The following PTPRD variants were observed in gnomAD, a reference collection of about 807,000 sequenced individuals.
PTPRD encodes the protein receptor-type tyrosine-protein phosphatase delta.
PTPRD carries 34 observed loss-of-function variants against 214.5 expected under a neutral mutation model. The observed-to-expected ratio is 0.16, with a 90% CI of 0.12 to 0.21. PTPRD has a LOEUF of 0.21. PTPRD is among the 10% of genes least tolerant of loss of function. The pLI is 1.00. For missense variants in PTPRD, 2,545 were observed against 2,398.7 expected (o/e 1.06, Z -1.27); for synonymous variants, 1,128 against 845.7 (o/e 1.33, Z -5.79).
At chr9:10,580,837 C>G (rs2071468072) in intron 2 of PTPRD, among the ~76,000 whole-genome samples, 1 of 152,108 alleles carries the variant, frequency 6.6e-6, no homozygotes, top group Non-Finnish European at 1.5e-5. Context: ...ATCCTTTTAT[C>G]TGATACATTT....
rs142893053 is a variant in PTPRD, at chr9:8,902,964, C to T, written c.-104+115733G>A. ...GTTTTGTTGTTTAGTGAAGGCTTCA[C>T]AAGTTTTTGGGAAGTAAGGAAAATG... On this transcript the variant is annotated intron_variant, in intron 11 of 45. Coordinates refer to ENST00000381196, the MANE Select transcript of PTPRD (RefSeq NM_002839.4). Among the ~76,000 whole-genome samples, 59 of 152,094 alleles carry T rather than the reference C, an allele frequency of 3.9e-4. 1 individual carries two copies. The highest frequency in any genetic ancestry group is 1.3e-3 in the African/African-American group (52 of 41,492).
At chr9:8,678,638 G>T (rs750729644) in intron 12 of PTPRD, among the ~76,000 whole-genome samples, 1 of 152,178 alleles carries the variant, frequency 6.6e-6, no homozygotes, top group East Asian at 1.9e-4. Context: ...TTCCAAAAGC[G>T]AAGAGGAGGA....
At chr9:9,448,007 G>C (rs1019379548) in intron 8 of PTPRD, among the ~76,000 whole-genome samples, 9 of 151,976 alleles carry the variant, frequency 5.9e-5, no homozygotes, top group African/African-American at 1.4e-4. Context: ...ACTATTGAAC[G>C]GTTCTGAAAA....
At chr9:8,939,159 C>A (rs2099015836) in intron 11 of PTPRD, among the ~76,000 whole-genome samples, 1 of 152,124 alleles carries the variant, frequency 6.6e-6, no homozygotes, top group Admixed American at 6.6e-5. Flanking sequence ...ATTATTCATG[C>A]TGATAATTTA....
intron 11 of PTPRD, among the ~76,000 whole-genome samples, chr9:8,902,910 T>C (rs1186681514): frequency 6.6e-6 from 1 of 152,196 alleles, no homozygotes; most frequent in East Asian, 1.9e-4. Context: ...TTAATAGTAG[T>C]AATGAAGGGC....
intron 11 of PTPRD, among the ~76,000 whole-genome samples, chr9:9,008,374 C>A (rs1311965005): frequency 1.3e-5 from 2 of 151,738 alleles, no homozygotes; most frequent in African/African-American, 4.8e-5. Flanking sequence ...ACTACAGGCT[C>A]CCGCCACCAC....
At chr9:8,337,216 A>T (rs1463663454) in intron 43 of PTPRD, among the ~76,000 whole-genome samples, 1 of 152,246 alleles carries the variant, frequency 6.6e-6, no homozygotes, top group Non-Finnish European at 1.5e-5. Context: ...CATCAATGAT[A>T]GATTGGATAA....
intron 2 of PTPRD, among the ~76,000 whole-genome samples, chr9:10,535,435 G>A (rs2057525245): frequency 6.6e-6 from 1 of 152,044 alleles, no homozygotes; most frequent in Non-Finnish European, 1.5e-5. Flanking sequence ...GTCGTGAGCT[G>A]TTTCAACAAT....
At chr9:9,348,611 A>G (rs1169477995) in intron 9 of PTPRD, among the ~76,000 whole-genome samples, 1 of 152,098 alleles carries the variant, frequency 6.6e-6, no homozygotes, top group Non-Finnish European at 1.5e-5. Flanking sequence ...GTGTAATGGG[A>G]CGTTGGGGAC....
intron 7 of PTPRD, among the ~76,000 whole-genome samples, chr9:9,729,052 G>A (rs2098140127): frequency 6.6e-6 from 1 of 152,104 alleles, no homozygotes; most frequent in African/African-American, 2.4e-5. Context: ...GTCAAAATAT[G>A]TCTTTGGAAA....
At chr9:8,905,440 A>G (rs2098700773) in intron 11 of PTPRD, among the ~76,000 whole-genome samples, 1 of 151,940 alleles carries the variant, frequency 6.6e-6, no homozygotes, top group Non-Finnish European at 1.5e-5. Flanking sequence ...CACACATCAG[A>G]GGATAAAGAA....
intron 2 of PTPRD, among the ~76,000 whole-genome samples, chr9:10,494,856 G>A (rs879394903): frequency 6.6e-6 from 1 of 151,176 alleles, no homozygotes; most frequent in Non-Finnish European, 1.5e-5. Context: ...TTCTAGTATT[G>A]GGCAAATTAT....
chr9:8,863,814 C>T, intron 11 of PTPRD, among the ~76,000 whole-genome samples: 1 of 152,096 alleles, frequency 6.6e-6, no homozygotes, highest in East Asian at 1.9e-4. Flanking sequence ...AAAGTTTTAA[C>T]TTTCATGGGT....
chr9:9,835,752 T>C (rs1190897585), intron 5 of PTPRD, among the ~76,000 whole-genome samples: 5 of 152,018 alleles, frequency 3.3e-5, no homozygotes. Flanking sequence ...CAGGACTCCA[T>C]CATAACACAG....
Position 8,371,073 on chromosome 9 carries a change from G to A in PTPRD, c.4661+4863C>T, listed in dbSNP as rs1227228394. Among the ~76,000 whole-genome samples, 3 of 151,988 alleles carry A rather than the reference G, an allele frequency of 2.0e-5. No homozygotes were observed. In the East Asian group the frequency reaches 5.8e-4, roughly 29 times the overall value. ...AACTATTAGTATTGCTACAAAATGG[G>A]GAGCTATGTCTAAATTTAATCATGG... is the stretch of plus-strand genomic sequence containing the variant. On this transcript the variant is annotated intron_variant, in intron 39 of 45. Transcript: ENST00000381196.
intron 6 of PTPRD, among the ~76,000 whole-genome samples, chr9:9,741,033 T>C (rs1208084474): frequency 6.6e-6 from 1 of 152,170 alleles, no homozygotes; most frequent in Non-Finnish European, 1.5e-5. Context: ...CTTCGGTAAC[T>C]GGCAATTTGA....
chr9:9,267,674 T>C (rs925548429), intron 9 of PTPRD, among the ~76,000 whole-genome samples: 3 of 151,216 alleles, frequency 2.0e-5, no homozygotes, highest in African/African-American at 7.3e-5. Context: ...AAAAGGATCA[T>C]ATACCATGAT....
At chr9:9,825,460 A>G (rs1225653052) in intron 5 of PTPRD, among the ~76,000 whole-genome samples, 1 of 151,802 alleles carries the variant, frequency 6.6e-6, no homozygotes, top group Non-Finnish European at 1.5e-5. Context: ...AGAAAGAGAG[A>G]AAGAAAGAGA....
chr9:9,916,939 A>G (rs928970463), intron 5 of PTPRD, among the ~76,000 whole-genome samples: 1 of 151,932 alleles, frequency 6.6e-6, no homozygotes, highest in Non-Finnish European at 1.5e-5. Flanking sequence ...ATTAATGGAA[A>G]TTAAACAACA....
Sources: gnomAD v4.1 joint callset for allele counts (sites outside exome capture counted in the v4.1 genomes callset) on GRCh38, gnomAD v4.1.1 for gene constraint, MANE v1.5 for transcripts, NCBI Gene and HGNC (gene_info 2026-07-23, HGNC 2026-07-21) for gene names.